Variants in CUL1 observed in about 807,000 individuals in gnomAD.
CUL1 encodes the protein cullin-1.
CUL1 carries 24 observed loss-of-function variants against 118.0 expected under a neutral mutation model. The ratio of observed to expected loss-of-function variants is 0.20; its 90% CI spans 0.15 to 0.29. The LOEUF is 0.29. Among genes scored for constraint, CUL1 ranks in the 10% least tolerant of loss-of-function variants. The probability of loss-of-function intolerance (pLI) is 1.00; values close to 1 mark genes in which losing one functional copy is unlikely to be tolerated. For synonymous variants in CUL1, 332 were observed against 340.4 expected (o/e 0.98, Z 0.27); for missense variants, 361 against 933.8 (o/e 0.39, Z 7.99).
chr7:148,786,396 G>A (rs914543253), intron 11 of CUL1, among the ~76,000 whole-genome samples, 155 bp from the exon 12 acceptor site: 3 of 152,234 alleles, frequency 2.0e-5, no homozygotes, highest in African/African-American at 7.2e-5. Context: ...GAGATTGCCA[G>A]TTTGCTGTAG....
intron 9 of CUL1, among the ~76,000 whole-genome samples, chr7:148,777,508 G>T (rs753216314): frequency 3.9e-5 from 6 of 152,210 alleles, no homozygotes; most frequent in Non-Finnish European, 7.3e-5. Flanking sequence ...TTAGTCATGT[G>T]AGTCCTGGGG....
At chr7:148,712,783 C>T (rs1022654561) in intron 1 of CUL1, among the ~76,000 whole-genome samples, 1 of 152,212 alleles carries the variant, frequency 6.6e-6, no homozygotes, top group African/African-American at 2.4e-5. Context: ...TGACCAAGCT[C>T]ACACTGCCAG....
intron 1 of CUL1, among the ~76,000 whole-genome samples, chr7:148,721,206 G>A (rs1375717741): frequency 6.6e-5 from 10 of 152,126 alleles, no homozygotes; most frequent in Admixed American, 6.5e-4. Flanking sequence ...ATGTTAAGAA[G>A]CAAGCTTACT....
intron 4 of CUL1, 62 bp downstream of exon 4, chr7:148,757,212 A>G: frequency 8.8e-7 from 1 of 1,131,058 alleles, no homozygotes; most frequent in East Asian, 2.8e-5. Context: ...TTAATGGCAA[A>G]TTGTCTTTCA....
At chr7:148,758,957 G>A (rs571645454) in intron 4 of CUL1, among the ~76,000 whole-genome samples, 1 of 152,130 alleles carries the variant, frequency 6.6e-6, no homozygotes, top group South Asian at 2.1e-4. Context: ...GGATGGTCTT[G>A]GTTCATTTCC....
intron 9 of CUL1, among the ~76,000 whole-genome samples, chr7:148,769,397 TCA>T (rs55858322): frequency 0.14 from 18,240 of 128,796 alleles, 1,166 homozygotes; most frequent in East Asian, 0.21. Flanking sequence ...AGGGCCTGAT[TCA>T]CACACACACA....
At chr7:148,750,867 A>G (rs1799467391) in intron 2 of CUL1, among the ~76,000 whole-genome samples, 1 of 152,012 alleles carries the variant, frequency 6.6e-6, no homozygotes, top group African/African-American at 2.4e-5. Context: ...GCTTCACAGG[A>G]GGCTAAGGTG....
rs565008951 is a variant in CUL1, at chr7:148,800,754, T to A, written c.*172T>A. ...GGATTTACATCGGAACTGCTCAGGA[T>A]TGATACATTTCAAGTCTGTAAATAC... On this transcript the variant is annotated 3_prime_UTR_variant, in exon 22 of 22. Coordinates refer to ENST00000325222, the MANE Select transcript of CUL1 (RefSeq NM_003592.3). This position sits in a 1 kb window ranked among gnomAD's most constrained non-coding sequence, Gnocchi z 4.6. 1.7e-6 allele frequency: 1 copy of A among 582,438 alleles called. No homozygotes were observed. 36.1% of individuals were successfully genotyped at this position (582,438 alleles called of 1,614,324 possible).
intron 2 of CUL1, among the ~76,000 whole-genome samples, chr7:148,735,217 G>T (rs1364107397): frequency 3.9e-5 from 6 of 152,218 alleles, no homozygotes; most frequent in Middle Eastern, 3.2e-3. Context: ...TAGTGATAAG[G>T]TTCGTGATTG....
Position 148,724,830 on chromosome 7 carries a change from A to G in CUL1, c.-161-5132A>G, listed in dbSNP as rs542163098. ...CTTTTGAAAACTACCTGATTTCCTAAGTATATTTTGTTTTTTTGTTTGTTT... is the reference window on the plus strand; with the variant it reads ...CTTTTGAAAACTACCTGATTTCCTAGGTATATTTTGTTTTTTTGTTTGTTT... On this transcript the variant is annotated intron_variant, in intron 1 of 21. Coordinates refer to ENST00000325222, the MANE Select transcript of CUL1 (RefSeq NM_003592.3). Among the ~76,000 whole-genome samples, 7 of 152,182 alleles carry G rather than the reference A, an allele frequency of 4.6e-5. 1 individual carries two copies. The highest frequency in any genetic ancestry group is 1.7e-4 in the African/African-American group (7 of 41,498).
chr7:148,743,900 T>C (rs28427033), intron 2 of CUL1, among the ~76,000 whole-genome samples: 4,882 of 152,278 alleles, frequency 0.032, 223 homozygotes, highest in African/African-American at 0.1. Context: ...CCAGCCTAGG[T>C]GACAGAGCAA....
chr7:148,741,436 TTTAG>T (rs1321456261), intron 2 of CUL1, among the ~76,000 whole-genome samples: 1 of 140,800 alleles, frequency 7.1e-6, no homozygotes, highest in Non-Finnish European at 1.6e-5. Context: ...TATTTATTTA[TTTAG>T]TTATTTACTT....
upstream of CUL1, chr7:148,698,350 G>C (rs1348394902): frequency 1.3e-5 from 2 of 152,412 alleles, no homozygotes; most frequent in South Asian, 2.1e-4. Context: ...GGGGTGCTTC[G>C]GGCCGTTTCT....
In CUL1 at chr7:148,730,209, G is replaced by C; in HGVS notation, c.87G>C (p.Gln29His). 1 of 1,614,156 alleles carries C rather than the reference G, an allele frequency of 6.2e-7. No individual in the cohort carries two copies. The highest frequency in any genetic ancestry group is 8.5e-7 in the Non-Finnish European group (1 of 1,180,032). ...GGGACGACCTCAGAGCCGGCATCCA[G>C]CAGGTGTACACACGGCAGAGCATGG... ...QIWDDLRAGI[Q>H]QVYTRQSMAK... Residue 29 changes from glutamine (Q) to histidine (H), a missense_variant, in exon 2 of 22, where the codon CAG (glutamine) becomes CAC (histidine). Gln to His is a conservative substitution (Grantham distance 24). Around this residue, in one of 7 missense-constraint regions of CUL1, gnomAD observed 13 missense variants for 56.5 expected, o/e 0.23. Transcript: ENST00000325222.
chr7:148,770,474 A>C (rs1800171668), intron 9 of CUL1, among the ~76,000 whole-genome samples: 1 of 152,202 alleles, frequency 6.6e-6, no homozygotes, highest in Non-Finnish European at 1.5e-5. Context: ...TGAGTTTTTT[A>C]ATTGTTGTGC....
intron 7 of CUL1, among the ~76,000 whole-genome samples, chr7:148,765,033 C>G (rs1355340085): frequency 6.6e-6 from 1 of 152,048 alleles, no homozygotes; most frequent in Non-Finnish European, 1.5e-5. Flanking sequence ...TATGAGTTGT[C>G]TTTTCTTCCT....
intron 9 of CUL1, among the ~76,000 whole-genome samples, chr7:148,773,745 CCTT>C (rs762730418): frequency 6.6e-6 from 1 of 152,188 alleles, no homozygotes; most frequent in African/African-American, 2.4e-5. Context: ...TAGAGACAGT[CCTT>C]CTTTTTTCTA....
intron 9 of CUL1, among the ~76,000 whole-genome samples, chr7:148,774,945 A>G (rs1457904108): frequency 3.9e-5 from 6 of 152,244 alleles, no homozygotes; most frequent in Non-Finnish European, 8.8e-5. Context: ...GCAGCACATC[A>G]GATAGAGAAT....
rs117772516 is a variant in CUL1, at chr7:148,770,631, C to T, written c.1083+2882C>T. Among the ~76,000 whole-genome samples the T allele has an allele frequency of 3.7e-3, 567 of 152,316 alleles. 3 individuals are homozygous for T. The highest frequency in any genetic ancestry group is 0.01 in the Middle Eastern group (3 of 294). ...CTGTCTGTCTGGTGCATGGGTTCCT[C>T]GTGCCCTTCCCTGCTCTGGGCTCAC... is the stretch of plus-strand genomic sequence containing the variant. On this transcript the variant is annotated intron_variant, in intron 9 of 21. Transcript: ENST00000325222.
Sources: allele counts gnomAD v4.1 joint callset (sites outside exome capture counted in the v4.1 genomes callset), GRCh38; gene constraint gnomAD v4.1.1; regional missense constraint gnomAD v4.1.1; non-coding constraint Gnocchi (gnomAD v3.1); transcripts MANE v1.5; gene names NCBI Gene and HGNC (gene_info 2026-07-23, HGNC 2026-07-21).